Variants in ADIPOR2 observed in about 807,000 individuals in gnomAD.
ADIPOR2 encodes adiponectin receptor protein 2.
Under a neutral mutation model 40.9 loss-of-function variants are expected in ADIPOR2, and 18 were observed. That is an observed-to-expected ratio of 0.44 (90% CI 0.30 to 0.65). The LOEUF (loss-of-function observed/expected upper bound fraction) is 0.65. ADIPOR2 is among the 30% of genes least tolerant of loss of function. The probability of loss-of-function intolerance (pLI) is 0.09; values close to 1 mark genes in which losing one functional copy is unlikely to be tolerated. For missense variants in ADIPOR2, 283 were observed against 479.2 expected (o/e 0.59, Z 3.82); for synonymous variants, 165 against 166.4 (o/e 0.99, Z 0.06).
chr12:1,750,363 A>G (rs1329649741), intron 1 of ADIPOR2, among the ~76,000 whole-genome samples: 4 of 150,156 alleles, frequency 2.7e-5, no homozygotes, highest in African/African-American at 7.4e-5. Flanking sequence ...GTTCAAGACC[A>G]GCCTGGGCAA....
At chr12:1,768,326 A>C (rs1423369413) in intron 2 of ADIPOR2, among the ~76,000 whole-genome samples, 1 of 152,158 alleles carries the variant, frequency 6.6e-6, no homozygotes, top group Non-Finnish European at 1.5e-5. Flanking sequence ...TCTTTTTCTC[A>C]ACATGGCACT....
chr12:1,725,964 G>C (rs1423156132), intron 1 of ADIPOR2, among the ~76,000 whole-genome samples: 1 of 152,014 alleles, frequency 6.6e-6, no homozygotes, highest in Admixed American at 6.6e-5. Context: ...ATTCAGCAGT[G>C]AACAAAACAT....
chr12:1,731,979 A>G (rs1028034349), intron 1 of ADIPOR2, among the ~76,000 whole-genome samples: 2 of 139,244 alleles, frequency 1.4e-5, no homozygotes, highest in Non-Finnish European at 3.1e-5. Context: ...AAAAACAAAA[A>G]CAAAAAACAC....
chr12:1,760,407 A>C (rs1250142183), intron 2 of ADIPOR2, among the ~76,000 whole-genome samples: 1 of 152,166 alleles, frequency 6.6e-6, no homozygotes, highest in East Asian at 1.9e-4. Context: ...GGGTTGTACA[A>C]CCATCACTTC....
chr12:1,754,871 T>C lies in ADIPOR2; in HGVS notation c.171+357T>C, dbSNP rs1414102783. On this transcript the variant is annotated intron_variant, in intron 2 of 7. Coordinates refer to ENST00000357103, the MANE Select transcript of ADIPOR2 (RefSeq NM_024551.3). ...CCTCGACTACAGGTACATGCCACCATGCCAGGCTAATTTTTGTAGCTTTAG... is the reference window on the plus strand; with the variant it reads ...CCTCGACTACAGGTACATGCCACCACGCCAGGCTAATTTTTGTAGCTTTAG... 5.5e-3 allele frequency among the ~76,000 whole-genome samples: 633 copies of C among 114,556 alleles called. 8 individuals carry two copies. The highest frequency in any genetic ancestry group is 7.2e-3 in the Non-Finnish European group (321 of 44,614). The allele number at this position is 114,556 out of a possible 152,430, so 75.2% of individuals were successfully genotyped here. A position where few individuals can be genotyped will look rare whatever the true frequency, so the allele number is the denominator to read the frequency against.
intron 1 of ADIPOR2, among the ~76,000 whole-genome samples, chr12:1,749,883 C>T (rs1857427225): frequency 7.1e-6 from 1 of 140,020 alleles, no homozygotes; most frequent in African/African-American, 2.7e-5. Flanking sequence ...GTTGTCCAGG[C>T]TGGAGTGCAG....
chr12:1,712,600 G>C (rs1440190905), intron 1 of ADIPOR2, among the ~76,000 whole-genome samples: 2 of 152,058 alleles, frequency 1.3e-5, no homozygotes, highest in African/African-American at 4.8e-5. Flanking sequence ...AAGGCTTAAG[G>C]CTGGAGCTTG....
At chr12:1,762,945 T>A (rs1322886609) in intron 2 of ADIPOR2, among the ~76,000 whole-genome samples, 3 of 152,210 alleles carry the variant, frequency 2.0e-5, no homozygotes, top group African/African-American at 7.2e-5. Context: ...TTAAAATACA[T>A]TATTTCCATA....
chr12:1,721,788 G>A (rs1281395857), intron 1 of ADIPOR2, among the ~76,000 whole-genome samples: 1 of 152,164 alleles, frequency 6.6e-6, no homozygotes, highest in Non-Finnish European at 1.5e-5. Context: ...GTCAGCCATG[G>A]CAAAGATTAG....
At chr12:1,757,832 T>TA (rs1862174105) in intron 2 of ADIPOR2, 1 of 834,414 alleles carries the variant, frequency 1.2e-6, no homozygotes, top group African/African-American at 1.7e-5. Context: ...TAATCTTCTT[T>TA]ACTTCATCTC....
chr12:1,743,229 C>CCAAAAAAAAA (rs2094746792), intron 1 of ADIPOR2, among the ~76,000 whole-genome samples: 1 of 55,276 alleles, frequency 1.8e-5, no homozygotes, highest in Admixed American at 2.5e-4. Flanking sequence ...CCATCTCTAC[C>CCAAAAAAAAA]AAAAAAAAAA....
chr12:1,751,170 C>T (rs1010140475), intron 1 of ADIPOR2, among the ~76,000 whole-genome samples: 1 of 151,976 alleles, frequency 6.6e-6, no homozygotes, highest in Admixed American at 6.6e-5. Flanking sequence ...TTATGGGAAC[C>T]TGAAGGTTGA....
At position 1,780,564 on chromosome 12, in the gene ADIPOR2, C is replaced by G; in HGVS notation, c.577C>G (p.Leu193Val). ...VFGLFFLGAILCLSFSWLFHT... is the reference protein window; with the variant it reads ...VFGLFFLGAIVCLSFSWLFHT... ...TGGATTATTTTTCTTAGGAGCCATT[C>G]TCTGCCTTTCTTTTTCATGGCTCTT... Residue 193 changes from leucine (L) to valine (V), a missense_variant, in exon 5 of 8, where the codon CTC becomes GTC. This residue lies in a region of ADIPOR2 where 112 missense variants were observed against 249.5 expected (regional missense o/e 0.45). Transcript: ENST00000357103. 1 of 1,613,824 alleles carries G rather than the reference C, an allele frequency of 6.2e-7. No individual in the cohort carries two copies. The highest frequency in any genetic ancestry group is 8.5e-7 in the Non-Finnish European group (1 of 1,179,894).
intron 1 of ADIPOR2, among the ~76,000 whole-genome samples, chr12:1,706,917 G>A (rs1057076671): frequency 6.6e-6 from 1 of 152,146 alleles, no homozygotes; most frequent in Non-Finnish European, 1.5e-5. Flanking sequence ...CTTGAGCCAG[G>A]AGTTCAAGGC....
intron 7 of ADIPOR2, 34 bp downstream of exon 7, chr12:1,784,107 T>C: frequency 1.3e-6 from 2 of 1,515,514 alleles, no homozygotes; most frequent in Non-Finnish European, 1.8e-6. Flanking sequence ...TGTGTAGGTA[T>C]CTGCTCATGA....
intron 1 of ADIPOR2, among the ~76,000 whole-genome samples, chr12:1,724,660 A>G (rs995070105): frequency 1.7e-4 from 26 of 152,172 alleles, no homozygotes; most frequent in African/African-American, 6.3e-4. Context: ...TGTGTATTTT[A>G]CTATGCCATC....
intron 1 of ADIPOR2, among the ~76,000 whole-genome samples, chr12:1,715,150 G>A (rs1206099607): frequency 1.3e-5 from 2 of 152,094 alleles, no homozygotes; most frequent in Non-Finnish European, 2.9e-5. Flanking sequence ...GGGGTAAGCT[G>A]AGAGGTCCTC....
intron 1 of ADIPOR2, among the ~76,000 whole-genome samples, chr12:1,729,374 C>T (rs1175138956): frequency 6.6e-6 from 1 of 151,830 alleles, no homozygotes; most frequent in African/African-American, 2.4e-5. Flanking sequence ...TATTAGGGAG[C>T]CTTCTGCTTC....
intron 1 of ADIPOR2, among the ~76,000 whole-genome samples, chr12:1,748,535 ACC>A (rs2094761917): frequency 6.6e-6 from 1 of 152,104 alleles, no homozygotes; most frequent in Non-Finnish European, 1.5e-5. Flanking sequence ...GGCGTGAGCC[ACC>A]GTGCCTGGCC....
Sources: allele counts gnomAD v4.1 joint callset (sites outside exome capture counted in the v4.1 genomes callset), GRCh38; gene constraint gnomAD v4.1.1; regional missense constraint gnomAD v4.1.1; transcripts MANE v1.5; gene names NCBI Gene and HGNC (gene_info 2026-07-23, HGNC 2026-07-21).